The following CPNE4 variants were observed in gnomAD, a reference collection of about 807,000 sequenced individuals.
CPNE4 encodes copine 4.
CPNE4 carries 25 observed loss-of-function variants against 67.9 expected under a neutral mutation model. The ratio of observed to expected loss-of-function variants is 0.37; its 90% CI spans 0.27 to 0.51. CPNE4 has a LOEUF of 0.51. Among genes scored for constraint, CPNE4 ranks in the 20% least tolerant of loss-of-function variants. The pLI is 0.93. For synonymous variants in CPNE4, 242 were observed against 244.9 expected (o/e 0.99, Z 0.11); for missense variants, 464 against 690.8 (o/e 0.67, Z 3.68).
Position 131,621,526 on chromosome 3 carries a change from A to C in CPNE4, c.682-33944T>G, listed in dbSNP as rs539535851. On this transcript the variant is annotated intron_variant, in intron 7 of 15. Coordinates refer to ENST00000429747, the MANE Select transcript of CPNE4 (RefSeq NM_130808.3). ...CTCCCAGAGCACTGGGATTACAAGC[A>C]TGAGCCACCATGCCCAGCCCTCTCT... 1.6e-4 allele frequency among the ~76,000 whole-genome samples: 24 copies of C among 152,250 alleles called. No individual in the cohort carries two copies. In the South Asian group the frequency reaches 4.6e-3, roughly 29 times the overall value.
At chr3:131,908,618 C>T (rs2107783732) in intron 1 of CPNE4, among the ~76,000 whole-genome samples, 1 of 149,064 alleles carries the variant, frequency 6.7e-6, no homozygotes, top group Middle Eastern at 3.4e-3. Context: ...AAGTCCATCT[C>T]TTCCAAATCC....
intron 2 of CPNE4, among the ~76,000 whole-genome samples, chr3:131,792,782 GTA>G (rs769628770): frequency 1.6e-4 from 22 of 140,992 alleles, no homozygotes; most frequent in African/African-American, 2.9e-4. Flanking sequence ...ATATGTGTGT[GTA>G]TATATGTATA....
intron 1 of CPNE4, among the ~76,000 whole-genome samples, chr3:131,949,225 A>G (rs1225021): frequency 0.08 from 12,105 of 152,226 alleles, 628 homozygotes; most frequent in Admixed American, 0.16. Flanking sequence ...CTTACCAAAT[A>G]CTTAGTTATT....
chr3:131,976,444 A>G (rs2072655626), intron 1 of CPNE4, among the ~76,000 whole-genome samples: 2 of 152,174 alleles, frequency 1.3e-5, no homozygotes, highest in Non-Finnish European at 2.9e-5. Context: ...GCTCTAAAAG[A>G]AAAAGACTTT....
chr3:131,564,033 G>A (rs1478603398), intron 11 of CPNE4, among the ~76,000 whole-genome samples, 183 bp downstream of exon 11: 2 of 152,062 alleles, frequency 1.3e-5, no homozygotes, highest in Non-Finnish European at 2.9e-5. Flanking sequence ...GAAAGGATTT[G>A]TTTGGTGACC....
intron 2 of CPNE4, among the ~76,000 whole-genome samples, chr3:131,775,379 C>T (rs915596409): frequency 8.6e-5 from 13 of 152,042 alleles, no homozygotes; most frequent in African/African-American, 3.1e-4. Context: ...TTAGTTGGTA[C>T]ACAATAAATG....
intron 1 of CPNE4, among the ~76,000 whole-genome samples, chr3:132,021,699 T>C (rs911450786): frequency 1.3e-5 from 2 of 152,332 alleles, no homozygotes; most frequent in African/African-American, 4.8e-5. Flanking sequence ...ACAATGACCT[T>C]TTTTGGGCTG....
At chr3:131,721,584 A>G (rs1168727186) in intron 3 of CPNE4, among the ~76,000 whole-genome samples, 3 of 151,990 alleles carry the variant, frequency 2.0e-5, no homozygotes, top group Non-Finnish European at 2.9e-5. Context: ...TTTAGTAGAG[A>G]CGGGGTTTCA....
intron 2 of CPNE4, among the ~76,000 whole-genome samples, chr3:131,872,182 G>C (rs182944080): frequency 5.0e-4 from 64 of 129,118 alleles, no homozygotes; most frequent in Admixed American, 1.3e-3. Context: ...ATGTGTGTGC[G>C]TGTGTGTGTG....
At chr3:131,672,229 A>G (rs981147833) in intron 6 of CPNE4, among the ~76,000 whole-genome samples, 20 of 152,098 alleles carry the variant, frequency 1.3e-4, no homozygotes, top group Non-Finnish European at 1.3e-4. Context: ...TCATTCATCT[A>G]TTGATAGACT....
intron 1 of CPNE4, among the ~76,000 whole-genome samples, chr3:131,917,747 T>C (rs766416748): frequency 6.6e-6 from 1 of 152,180 alleles, no homozygotes; most frequent in Non-Finnish European, 1.5e-5. Flanking sequence ...GGCCTCTTGC[T>C]GCAGAAGGGA....
At chr3:131,958,404 T>A (rs940454021) in intron 1 of CPNE4, among the ~76,000 whole-genome samples, 1 of 138,860 alleles carries the variant, frequency 7.2e-6, no homozygotes, top group Non-Finnish European at 1.6e-5. Flanking sequence ...CAGGTGCCCA[T>A]CCCAGACCTG....
intron 1 of CPNE4, among the ~76,000 whole-genome samples, chr3:131,985,056 TGA>T (rs1455999843): frequency 6.6e-6 from 1 of 152,196 alleles, no homozygotes; most frequent in Non-Finnish European, 1.5e-5. Flanking sequence ...TTCTGGATAC[TGA>T]GAGTCTGCGA....
intron 1 of CPNE4, among the ~76,000 whole-genome samples, chr3:131,920,882 G>C (rs1225055): frequency 0.75 from 114,600 of 152,048 alleles, 43,476 homozygotes; most frequent in Admixed American, 0.83. Flanking sequence ...CTCCCTCTCC[G>C]CAAATTGAGC....
chr3:131,977,568 A>T (rs1207796621), intron 1 of CPNE4, among the ~76,000 whole-genome samples: 1 of 152,080 alleles, frequency 6.6e-6, no homozygotes, highest in Non-Finnish European at 1.5e-5. Flanking sequence ...ACGCACATAC[A>T]TATACACCCA....
chr3:131,779,476 A>G (rs1029591838), intron 2 of CPNE4, among the ~76,000 whole-genome samples: 3 of 152,114 alleles, frequency 2.0e-5, no homozygotes, highest in African/African-American at 7.2e-5. Flanking sequence ...TACTCGTAGA[A>G]AAAAAAGACA....
At chr3:131,932,625 A>G (rs1361178794) in intron 1 of CPNE4, among the ~76,000 whole-genome samples, 4 of 152,076 alleles carry the variant, frequency 2.6e-5, no homozygotes, top group Non-Finnish European at 4.4e-5. Flanking sequence ...AATTTGGTAC[A>G]TGAGTAGGAG....
At chr3:132,038,591 T>G (rs778254373), upstream of CPNE4, among the ~76,000 whole-genome samples, 9 of 152,338 alleles carry the variant, frequency 5.9e-5, no homozygotes, top group South Asian at 2.1e-4. Flanking sequence ...TATTGCTCTA[T>G]TAATGAGGTC....
At chr3:131,815,450 G>A (rs1239506874) in intron 2 of CPNE4, among the ~76,000 whole-genome samples, 1 of 152,216 alleles carries the variant, frequency 6.6e-6, no homozygotes, top group Non-Finnish European at 1.5e-5. Flanking sequence ...TCTAGCGTGA[G>A]GGAGCAGGAT....
Sources: allele counts gnomAD v4.1 joint callset (sites outside exome capture counted in the v4.1 genomes callset), GRCh38; gene constraint gnomAD v4.1.1; transcripts MANE v1.5; gene names NCBI Gene and HGNC (gene_info 2026-07-23, HGNC 2026-07-21).